Variants in KCNT2 observed in about 807,000 individuals in gnomAD.
KCNT2 encodes potassium sodium-activated channel subfamily T member 2.
KCNT2 carries 67 observed loss-of-function variants against 153.8 expected under a neutral mutation model. That is an observed-to-expected ratio of 0.44 (90% CI 0.36 to 0.53). The LOEUF (loss-of-function observed/expected upper bound fraction) is 0.53, where lower values mean the gene tolerates loss of function less well. KCNT2 is among the 20% of genes least tolerant of loss of function. The probability of loss-of-function intolerance (pLI) is 0.00; values close to 1 mark genes in which losing one functional copy is unlikely to be tolerated. For missense variants in KCNT2, 975 were observed against 1,354.8 expected, an observed-to-expected ratio of 0.72 and a Z score of 4.40; for synonymous variants, 500 against 458.8, an observed-to-expected ratio of 1.09 and a Z score of -1.15.
intron 14 of KCNT2, among the ~76,000 whole-genome samples, chr1:196,357,231 T>C (rs905015688): frequency 2.0e-5 from 3 of 151,952 alleles, no homozygotes; most frequent in African/African-American, 7.2e-5. Flanking sequence ...CGGATTGCAA[T>C]AGAGTTCATT....
intron 14 of KCNT2, among the ~76,000 whole-genome samples, chr1:196,356,708 A>G (rs1326876425): frequency 6.6e-6 from 1 of 151,842 alleles, no homozygotes; most frequent in African/African-American, 2.4e-5. Flanking sequence ...TCATATTGCT[A>G]TTTTTAATTT....
At chr1:196,433,889 G>A (rs1377607854) in intron 8 of KCNT2, among the ~76,000 whole-genome samples, 1 of 152,042 alleles carries the variant, frequency 6.6e-6, no homozygotes, top group Non-Finnish European at 1.5e-5. Context: ...GAGGTATCAA[G>A]AGACAGAAGA....
At chr1:196,307,055 C>G (rs1429745351) in intron 21 of KCNT2, among the ~76,000 whole-genome samples, 1 of 151,990 alleles carries the variant, frequency 6.6e-6, no homozygotes, top group South Asian at 2.1e-4. Context: ...GATATAATTT[C>G]TTTTGCTGAC....
At chr1:196,514,982 A>G (rs1195819861) in intron 1 of KCNT2, among the ~76,000 whole-genome samples, 1 of 152,232 alleles carries the variant, frequency 6.6e-6, no homozygotes, top group Admixed American at 6.5e-5. Flanking sequence ...ACAACAGATG[A>G]GTTCTAGACA....
At chr1:196,381,805 A>G (rs1178911925) in intron 13 of KCNT2, among the ~76,000 whole-genome samples, 2 of 152,154 alleles carry the variant, frequency 1.3e-5, no homozygotes, top group Non-Finnish European at 2.9e-5. Flanking sequence ...CCTGTCGTGT[A>G]ATAGTGAAGT....
chr1:196,579,273 T>C (rs1160116071), intron 1 of KCNT2, among the ~76,000 whole-genome samples: 2 of 151,992 alleles, frequency 1.3e-5, no homozygotes, highest in East Asian at 3.9e-4. Flanking sequence ...AGCTAAATGA[T>C]GACAACAGAT....
At position 196,334,042 on chromosome 1, in the gene KCNT2, A is replaced by T; in HGVS notation, c.1802T>A (p.Leu601Ter). Residue 601 changes from leucine to a stop codon, truncating the protein, a stop_gained, in exon 17 of 28, where the codon TTG becomes TAG. Coordinates refer to ENST00000294725, the MANE Select transcript of KCNT2 (RefSeq NM_198503.5). LOFTEE classifies it high-confidence loss of function. ...IASMGTVAID[L>*]QDTSCRSASG... Reference sequence around the variant, plus strand: ...TGCTGATCTACAGCTTGTATCTTGCAAGTCTATAGCCACAGTACCTAAAAC... The same window carrying T: ...TGCTGATCTACAGCTTGTATCTTGCTAGTCTATAGCCACAGTACCTAAAAC... 1 of 1,612,886 alleles carries T rather than the reference A, an allele frequency of 6.2e-7. No homozygotes were observed. Among genetic ancestry groups the T allele is most frequent in the South Asian group, 1.1e-5 (1 of 91,062 alleles).
At chr1:196,329,653 A>G in intron 18 of KCNT2, among the ~76,000 whole-genome samples, 1 of 151,220 alleles carries the variant, frequency 6.6e-6, no homozygotes, top group East Asian at 1.9e-4. Context: ...TTAGTCTTAA[A>G]AGGAGTCAAT....
chr1:196,357,650 TG>T (rs963758508), intron 14 of KCNT2, among the ~76,000 whole-genome samples: 5 of 151,748 alleles, frequency 3.3e-5, no homozygotes, highest in African/African-American at 1.2e-4. Context: ...ACAGGCAGGG[TG>T]GGAGGCATCC....
intron 25 of KCNT2, among the ~76,000 whole-genome samples, chr1:196,265,317 C>A (rs1326201271): frequency 2.6e-5 from 4 of 152,150 alleles, no homozygotes; most frequent in African/African-American, 9.7e-5. Flanking sequence ...TTAACCTGTG[C>A]AAATTTATGC....
chr1:196,431,336 T>C (rs1674130508), intron 8 of KCNT2, among the ~76,000 whole-genome samples: 1 of 151,682 alleles, frequency 6.6e-6, no homozygotes, highest in African/African-American at 2.4e-5. Context: ...TGGGTAGAGG[T>C]GGGAAAAGTT....
chr1:196,568,612 A>G (rs1485284937), intron 1 of KCNT2, among the ~76,000 whole-genome samples: 2 of 148,076 alleles, frequency 1.4e-5, no homozygotes, highest in African/African-American at 4.9e-5. Context: ...AAAAAAAAAG[A>G]AAAGAAAAAC....
intron 22 of KCNT2, among the ~76,000 whole-genome samples, chr1:196,299,248 C>T (rs543121778): frequency 6.6e-6 from 1 of 151,928 alleles, no homozygotes; most frequent in Non-Finnish European, 1.5e-5. Flanking sequence ...TTGCCTGTTA[C>T]ACCTGTTACA....
chr1:196,538,514 C>T (rs1455165006), intron 1 of KCNT2, among the ~76,000 whole-genome samples: 1 of 152,306 alleles, frequency 6.6e-6, no homozygotes, highest in South Asian at 2.1e-4. Context: ...GAGCCACAAG[C>T]TGTATGTACA....
chr1:196,395,336 A>C (rs1670841233), intron 13 of KCNT2, among the ~76,000 whole-genome samples: 1 of 151,588 alleles, frequency 6.6e-6, no homozygotes, highest in African/African-American at 2.4e-5. Flanking sequence ...TCAGAATTAT[A>C]TGCTTTTGAA....
intron 3 of KCNT2, 81 bp downstream of exon 3, chr1:196,489,757 C>A (rs1484693802): frequency 1.7e-5 from 14 of 820,212 alleles, no homozygotes; most frequent in Non-Finnish European, 2.0e-5. Context: ...AAGCTCTACA[C>A]AACATGCTTT....
At chr1:196,557,483 A>G (rs1658834427) in intron 1 of KCNT2, among the ~76,000 whole-genome samples, 1 of 151,140 alleles carries the variant, frequency 6.6e-6, no homozygotes, top group Non-Finnish European at 1.5e-5. Flanking sequence ...GCTTAGTCTT[A>G]ATTAATAGTC....
chr1:196,488,530 C>T (rs1031518622), intron 3 of KCNT2, among the ~76,000 whole-genome samples: 1 of 151,954 alleles, frequency 6.6e-6, no homozygotes, highest in Non-Finnish European at 1.5e-5. Flanking sequence ...CCACCAAATG[C>T]CCTTTTACCC....
chr1:196,405,762 T>C (rs577441515), intron 12 of KCNT2, among the ~76,000 whole-genome samples: 10 of 151,688 alleles, frequency 6.6e-5, no homozygotes, highest in Non-Finnish European at 1.5e-4. Flanking sequence ...ACTTTGAGTA[T>C]ATCTTGCTAA....
Sources: gnomAD v4.1 joint callset for allele counts (sites outside exome capture counted in the v4.1 genomes callset) on GRCh38, gnomAD v4.1.1 for gene constraint, MANE v1.5 for transcripts, NCBI Gene and HGNC (gene_info 2026-07-23, HGNC 2026-07-21) for gene names.